CABP1: variants seen among roughly 807,000 people sequenced by gnomAD.
The protein encoded by CABP1 is calcium-binding protein 1.
A neutral mutation model predicts 34.3 loss-of-function variants in CABP1; 17 were observed. The observed-to-expected ratio is 0.50, with a 90% CI of 0.34 to 0.74. The LOEUF is 0.74. CABP1 is among the 30% of genes least tolerant of loss of function. CABP1 has a pLI of 0.01. For synonymous variants in CABP1, 198 were observed against 229.2 expected (o/e 0.86, Z 1.23); for missense variants, 373 against 511.1 (o/e 0.73, Z 2.61).
chr12:120,659,919 G>C lies in CABP1; in HGVS notation c.685+11G>C, dbSNP rs753071042. On this transcript the variant is annotated intron_variant, in intron 2 of 5. Coordinates refer to ENST00000316803, the MANE Select transcript of CABP1 (RefSeq NM_001033677.2). ...CAGAGGAAATTGAAGGTAAAACTTG[G>C]CCCCTTGGGGGAAAGGACTGCCTAG... is the stretch of plus-strand genomic sequence containing the variant. 2 of 1,613,592 alleles carry C rather than the reference G, an allele frequency of 1.2e-6. No individual in the cohort carries two copies. The highest frequency in any genetic ancestry group is 2.7e-5 in the African/African-American group (2 of 75,036).
At chr12:120,657,001 G>T (rs1380122833) in intron 1 of CABP1, among the ~76,000 whole-genome samples, 1 of 152,192 alleles carries the variant, frequency 6.6e-6, no homozygotes, top group Non-Finnish European at 1.5e-5. Flanking sequence ...TGACTCAAGA[G>T]CCTCTTGTGC....
At chr12:120,657,482 G>A (rs1880302308) in intron 1 of CABP1, among the ~76,000 whole-genome samples, 1 of 152,124 alleles carries the variant, frequency 6.6e-6, no homozygotes, top group Non-Finnish European at 1.5e-5. Flanking sequence ...TCATACTCAG[G>A]TCTGTCTGCC....
chr12:120,666,853 A>G (rs1283696370), intron 5 of CABP1, 22 bp from the exon 6 acceptor site: 1 of 1,600,942 alleles, frequency 6.2e-7, no homozygotes, highest in African/African-American at 1.3e-5. Flanking sequence ...CTTGCTCCCC[A>G]GCTGCTCCTC....
chr12:120,671,219 A>G (rs1336722285), downstream of CABP1, among the ~76,000 whole-genome samples: 1 of 152,048 alleles, frequency 6.6e-6, no homozygotes, highest in Non-Finnish European at 1.5e-5. Context: ...CAGCCTGGCC[A>G]AATGGTGAAA....
downstream of CABP1, among the ~76,000 whole-genome samples, chr12:120,670,696 G>A (rs955514989): frequency 9.2e-5 from 14 of 152,062 alleles, no homozygotes; most frequent in African/African-American, 2.9e-4. Context: ...TGCAGTGAGC[G>A]GAGATTGCAC....
rs772191380 is a variant in CABP1, at chr12:120,661,269, T to G, written c.1087+51T>G. 1.3e-5 allele frequency: 20 copies of G among 1,580,318 alleles called. No individual in the cohort carries two copies. Among genetic ancestry groups the G allele is most frequent in the Non-Finnish European group, 1.7e-5 (20 of 1,169,952 alleles). The stretch of plus-strand genomic sequence containing the variant: ...GAAGCAAGCCAGCAGTGGCCATCCA[T>G]GGAGCCCTCCAATTGTGTATCCATC... On this transcript the variant is annotated intron_variant, in intron 5 of 5. Coordinates refer to ENST00000316803, the MANE Select transcript of CABP1 (RefSeq NM_001033677.2). The surrounding 1 kb of genome is among the most constrained non-coding windows in gnomAD (Gnocchi z 5.1).
intron 1 of CABP1, among the ~76,000 whole-genome samples, chr12:120,647,470 C>G (rs1593155530): frequency 6.6e-6 from 1 of 151,128 alleles, no homozygotes; most frequent in Non-Finnish European, 1.5e-5. Flanking sequence ...GATCCTCCTG[C>G]CTTGGCCTCC....
downstream of CABP1, among the ~76,000 whole-genome samples, chr12:120,669,664 G>A (rs1881182301): frequency 6.6e-6 from 1 of 151,920 alleles, no homozygotes; most frequent in South Asian, 2.1e-4. Flanking sequence ...TGAGGCAAGA[G>A]AATTGCTTGA....
the CABP1 span, among the ~76,000 whole-genome samples, chr12:120,673,331 T>A: frequency 6.6e-6 from 1 of 152,142 alleles, no homozygotes; most frequent in Non-Finnish European, 1.5e-5. Flanking sequence ...ACACCTGTAA[T>A]CCCAGCGCTT....
At position 120,662,775 on chromosome 12, in the gene CABP1, C is replaced by T. The variant is rs185953078; in HGVS notation, c.1087+1557C>T. Among the ~76,000 whole-genome samples, 522 of 151,378 alleles carry T rather than the reference C, an allele frequency of 3.4e-3. 1 individual carries two copies. The highest frequency in any genetic ancestry group is 0.012 in the African/African-American group (495 of 41,186). ...TCTCAGCTCACTGCAACCTCTGCCTCCTGGATTCAAGCGATTCTCCTGCCT... is the reference window on the plus strand; with the variant it reads ...TCTCAGCTCACTGCAACCTCTGCCTTCTGGATTCAAGCGATTCTCCTGCCT... On this transcript the variant is annotated intron_variant, in intron 5 of 5. Transcript: ENST00000316803.
In CABP1 at chr12:120,660,470, C is replaced by A; in HGVS notation, c.829+131C>A. On this transcript the variant is annotated intron_variant, in intron 3 of 5. Coordinates refer to ENST00000316803, the MANE Select transcript of CABP1 (RefSeq NM_001033677.2). This position sits in a 1 kb window ranked among gnomAD's most constrained non-coding sequence, Gnocchi z 5.0. Reference sequence around the variant, plus strand: ...CTGTGATCTGGGGCCAACCACTTACCCTCTCTGAGCCTCAGTTTCCTCACC... The same window carrying A: ...CTGTGATCTGGGGCCAACCACTTACACTCTCTGAGCCTCAGTTTCCTCACC... The A allele has an allele frequency of 1.0e-6, 1 of 996,148 alleles. No individual in the cohort carries two copies. Among genetic ancestry groups the A allele is most frequent in the Non-Finnish European group, 1.5e-6 (1 of 683,808 alleles). The allele number at this position is 996,148 out of a possible 1,614,324, so 61.7% of individuals were successfully genotyped here. A position where few individuals can be genotyped will look rare whatever the true frequency, so the allele number is the denominator to read the frequency against.
chr12:120,650,588 A>T (rs374872785), intron 1 of CABP1: 1 of 1,613,224 alleles, frequency 6.2e-7, no homozygotes, highest in African/African-American at 1.3e-5. Context: ...GTCCCCCAGG[A>T]GCCTCCTTCA....
Position 120,660,342 on chromosome 12 carries a change from G to A in CABP1, c.829+3G>A. The A allele has an allele frequency of 1.9e-6, 3 of 1,612,094 alleles. No individual in the cohort carries two copies. The highest frequency in any genetic ancestry group is 2.2e-5 in the South Asian group (2 of 91,054). ...GTCCCAGCAGATCAACATGAACCGT[G>A]AGTCCCTCTACCAGGCATCTGCGTC... is the stretch of plus-strand genomic sequence containing the variant. On this transcript the variant is annotated splice_donor_region_variant and intron_variant, in intron 3 of 5. Transcript: ENST00000316803. This position sits in a 1 kb window ranked among gnomAD's most constrained non-coding sequence, Gnocchi z 5.0.
chr12:120,660,100 T>C lies in CABP1; in HGVS notation c.686-96T>C. On this transcript the variant is annotated intron_variant, in intron 2 of 5. Transcript: ENST00000316803. This position sits in a 1 kb window ranked among gnomAD's most constrained non-coding sequence, Gnocchi z 5.0. ...CAGCATCCTGGGAAGCTCCTGGGCCTCTCTTTCCATGCCGGTGGGCCTTTG... is the reference window on the plus strand; with the variant it reads ...CAGCATCCTGGGAAGCTCCTGGGCCCCTCTTTCCATGCCGGTGGGCCTTTG... 6.0e-6 allele frequency: 9 copies of C among 1,510,862 alleles called. No individual in the cohort carries two copies. The South Asian group carries it at 8.6e-5, about 14-fold the overall frequency. 93.6% of individuals were successfully genotyped at this position (1,510,862 alleles called of 1,614,324 possible). A position where few individuals can be genotyped will look rare whatever the true frequency, so the allele number is the denominator to read the frequency against.
chr12:120,650,860 A>G (rs984250146), intron 1 of CABP1, among the ~76,000 whole-genome samples: 2 of 150,800 alleles, frequency 1.3e-5, no homozygotes, highest in Non-Finnish European at 3.0e-5. Flanking sequence ...TCTGTGTCCC[A>G]GGCTTTGGGC....
the CABP1 span, among the ~76,000 whole-genome samples, chr12:120,673,203 T>A: frequency 6.6e-6 from 1 of 152,000 alleles, no homozygotes; most frequent in African/African-American, 2.4e-5. Context: ...ACAAGTAAGG[T>A]GATTACAAGA....
intron 1 of CABP1, among the ~76,000 whole-genome samples, chr12:120,645,488 G>A (rs1189734644): frequency 6.6e-6 from 1 of 152,172 alleles, no homozygotes; most frequent in Non-Finnish European, 1.5e-5. Context: ...TACCTGTGAA[G>A]GTTAGCATCA....
At chr12:120,659,395 G>A (rs1464315167) in intron 1 of CABP1, 1 of 153,850 alleles carries the variant, frequency 6.5e-6, no homozygotes, top group South Asian at 2.0e-4. Context: ...GTTTCATTGG[G>A]TGGTGCTCTC....
chr12:120,654,573 G>T (rs1880045355), intron 1 of CABP1, among the ~76,000 whole-genome samples: 2 of 152,236 alleles, frequency 1.3e-5, no homozygotes, highest in African/African-American at 4.8e-5. Context: ...TTCAGCTCCT[G>T]TCGCTCCTTG....
Sources: allele counts gnomAD v4.1 joint callset (sites outside exome capture counted in the v4.1 genomes callset), GRCh38; gene constraint gnomAD v4.1.1; non-coding constraint Gnocchi (gnomAD v3.1); transcripts MANE v1.5; gene names NCBI Gene and HGNC (gene_info 2026-07-23, HGNC 2026-07-21).